HSPA12A: variants seen among roughly 807,000 people sequenced by gnomAD.
HSPA12A encodes the protein heat shock protein family A (Hsp70) member 12A.
A neutral mutation model predicts 69.2 loss-of-function variants in HSPA12A; 28 were observed. That is an observed-to-expected ratio of 0.40 (90% confidence interval 0.30 to 0.55). The LOEUF (loss-of-function observed/expected upper bound fraction) is 0.55, where lower values mean the gene tolerates loss of function less well. Among genes scored for constraint, HSPA12A ranks in the 20% least tolerant of loss-of-function variants. HSPA12A has a pLI of 0.38. For synonymous variants in HSPA12A, 345 were observed against 370.5 expected (o/e 0.93, Z 0.79); for missense variants, 686 against 900.7 (o/e 0.76, Z 3.05).
At chr10:116,756,502 G>T (rs1843853800) in intron 2 of HSPA12A, among the ~76,000 whole-genome samples, 1 of 152,224 alleles carries the variant, frequency 6.6e-6, no homozygotes, top group Non-Finnish European at 1.5e-5. Flanking sequence ...AGCTCAGAAT[G>T]GCTGCCCTTC....
intron 2 of HSPA12A, among the ~76,000 whole-genome samples, chr10:116,818,869 A>G (rs1034850740): frequency 5.9e-5 from 9 of 152,140 alleles, no homozygotes; most frequent in Non-Finnish European, 1.0e-4. Flanking sequence ...TTTACCCCCA[A>G]CACATTGCAG....
At chr10:116,742,707 G>A, upstream of HSPA12A, 4 of 633,424 alleles carry the variant, frequency 6.3e-6, no homozygotes, top group South Asian at 2.8e-4. Context: ...AGGCGGGCGC[G>A]GGGAACTGCC....
In HSPA12A at chr10:116,675,207, C is replaced by T. The variant is rs369343924; in HGVS notation, c.1602G>A (p.Pro534=). 5.2e-4 allele frequency: 831 copies of T among 1,613,516 alleles called. 1 individual carries two copies. Among genetic ancestry groups the T allele is most frequent in the Non-Finnish European group, 4.4e-4 (524 of 1,180,018 alleles). The change falls in exon 12 of 12, where the codon CCG becomes CCA. Residue 534 remains proline, a synonymous_variant. Transcript: ENST00000369209. This position sits in a 1 kb window ranked among gnomAD's most constrained non-coding sequence, Gnocchi z 5.2. Reference sequence around the variant, plus strand: ...TCAGCACGCCTACCCCGTAGGTGAGCGGCGACCGGCGCACCTTGATGACCG... The same window carrying T: ...TCAGCACGCCTACCCCGTAGGTGAGTGGCGACCGGCGCACCTTGATGACCG... ...DPAVIKVRRS[P]LTYGVGVLNR...
intron 3 of HSPA12A, among the ~76,000 whole-genome samples, chr10:116,703,866 C>T (rs1850153347): frequency 1.3e-5 from 2 of 152,348 alleles, no homozygotes; most frequent in South Asian, 4.1e-4. Flanking sequence ...CCTATGGGGC[C>T]ACTTGGCTGA....
intron 1 of HSPA12A, among the ~76,000 whole-genome samples, chr10:116,732,342 A>AAGAAAGAAAGAAAGAAAGAG (rs1851186074): frequency 6.7e-6 from 1 of 150,288 alleles, no homozygotes. Context: ...GAAAGAAAGA[A>AAGAAAGAAAGAAAGAAAGAG]AGAAAGAAAG....
chr10:116,850,430 C>T (rs1174770382), upstream of HSPA12A, among the ~76,000 whole-genome samples: 3 of 152,018 alleles, frequency 2.0e-5, no homozygotes, highest in Non-Finnish European at 4.4e-5. Flanking sequence ...TCTGCCCAGC[C>T]CTGAGATCTG....
In HSPA12A at chr10:116,729,166, G is replaced by A. The variant is rs367871121; in HGVS notation, c.40+13264C>T. 2.0e-5 allele frequency among the ~76,000 whole-genome samples: 3 copies of A among 152,190 alleles called. No homozygotes were observed. In the East Asian group the frequency reaches 5.8e-4, roughly 29 times the overall value. On this transcript the variant is annotated intron_variant, in intron 1 of 11. Coordinates refer to ENST00000369209, the MANE Select transcript of HSPA12A (RefSeq NM_025015.3). ...AAGGACTGACAAAGGGCACCCTGCA[G>A]ACTCCATCTCTCCCTTCTCCAGAGC...
rs577820063 is a variant in HSPA12A, at chr10:116,725,377, C to T, written c.40+17053G>A. 3.3e-5 allele frequency among the ~76,000 whole-genome samples: 5 copies of T among 152,280 alleles called. 1 individual carries two copies. The highest frequency in any genetic ancestry group is 2.1e-4 in the South Asian group (1 of 4,822). On this transcript the variant is annotated intron_variant, in intron 1 of 11. Transcript: ENST00000369209. ...CCCAGCTCCACCTCTGAGCTTCCAT[C>T]GTTAACATCAGGTCAGCATCCCAGT... is the stretch of plus-strand genomic sequence containing the variant.
intron 2 of HSPA12A, chr10:116,829,915 G>C (rs1459922826): frequency 6.6e-6 from 1 of 151,010 alleles, no homozygotes; most frequent in Non-Finnish European, 1.5e-5. Flanking sequence ...GTCAGTGTTG[G>C]GTCGTTAGTC....
chr10:116,786,991 CACACACACACACACACAT>C (rs1844590733), intron 2 of HSPA12A, among the ~76,000 whole-genome samples: 1 of 65,030 alleles, frequency 1.5e-5, no homozygotes, highest in African/African-American at 3.7e-5. Flanking sequence ...CGGACACACA[CACACACACACACACACAT>C]ACACACACGC....
chr10:116,733,577 G>T (rs1403383271), intron 1 of HSPA12A, among the ~76,000 whole-genome samples: 1 of 152,162 alleles, frequency 6.6e-6, no homozygotes, highest in Middle Eastern at 3.2e-3. Context: ...GATGAAACAG[G>T]AGCTCCATCC....
At chr10:116,839,929 AT>A (rs1181972685) in intron 1 of HSPA12A, among the ~76,000 whole-genome samples, 4 of 150,702 alleles carry the variant, frequency 2.7e-5, no homozygotes, top group African/African-American at 9.8e-5. Flanking sequence ...TTTCTTTAGT[AT>A]TGGGGCTTGA....
intron 2 of HSPA12A, among the ~76,000 whole-genome samples, chr10:116,764,660 T>C (rs1844040720): frequency 6.6e-6 from 1 of 152,118 alleles, no homozygotes; most frequent in Non-Finnish European, 1.5e-5. Flanking sequence ...TGTCTTTTTA[T>C]AGTTTTTATA....
At chr10:116,754,251 C>T (rs1263733088) in intron 2 of HSPA12A, among the ~76,000 whole-genome samples, 2 of 152,200 alleles carry the variant, frequency 1.3e-5, no homozygotes, top group African/African-American at 2.4e-5. Context: ...AACACACTGT[C>T]TTGACCCATC....
At chr10:116,690,404 G>T (rs1849702211) in intron 6 of HSPA12A, among the ~76,000 whole-genome samples, 1 of 152,064 alleles carries the variant, frequency 6.6e-6, no homozygotes, top group Non-Finnish European at 1.5e-5. Flanking sequence ...ATAAATGCAT[G>T]AACAAAAAAA....
At chr10:116,826,545 T>A (rs1164001674) in intron 2 of HSPA12A, among the ~76,000 whole-genome samples, 1 of 152,116 alleles carries the variant, frequency 6.6e-6, no homozygotes, top group African/African-American at 2.4e-5. Context: ...ACGACACGGG[T>A]GTCACAGAAG....
intron 10 of HSPA12A, among the ~76,000 whole-genome samples, chr10:116,678,929 G>C (rs1410859050): frequency 2.0e-5 from 3 of 152,134 alleles, no homozygotes; most frequent in South Asian, 4.1e-4. Context: ...ATCATTTCAT[G>C]ATGGATATTA....
intron 2 of HSPA12A, among the ~76,000 whole-genome samples, chr10:116,817,669 T>C (rs1364690753): frequency 6.6e-6 from 1 of 152,122 alleles, no homozygotes; most frequent in African/African-American, 2.4e-5. Context: ...TGTTAAAATA[T>C]TTCAGGCTTG....
intron 7 of HSPA12A, 58 bp from the exon 8 acceptor site, chr10:116,681,935 C>G: frequency 2.0e-6 from 3 of 1,518,798 alleles, no homozygotes; most frequent in Non-Finnish European, 2.7e-6. Flanking sequence ...AAGCAGAGAT[C>G]ATTTGCAGTC....
Sources: allele counts gnomAD v4.1 joint callset (sites outside exome capture counted in the v4.1 genomes callset), GRCh38; gene constraint gnomAD v4.1.1; non-coding constraint Gnocchi (gnomAD v3.1); transcripts MANE v1.5; gene names NCBI Gene and HGNC (gene_info 2026-07-23, HGNC 2026-07-21).